Variants in NDRG2 observed in about 807,000 individuals in gnomAD.
NDRG2 encodes the protein protein NDRG2.
A neutral mutation model predicts 58.2 loss-of-function variants in NDRG2; 34 were observed. The observed-to-expected ratio is 0.58, with a 90% CI of 0.44 to 0.78. The LOEUF (loss-of-function observed/expected upper bound fraction) is 0.78, where lower values mean the gene tolerates loss of function less well. Among genes scored for constraint, NDRG2 ranks in the 30% least tolerant of loss-of-function variants. The probability of loss-of-function intolerance (pLI) is 0.00; values close to 1 mark genes in which losing one functional copy is unlikely to be tolerated. For missense variants in NDRG2, 434 were observed against 471.2 expected (o/e 0.92, Z 0.73); for synonymous variants, 187 against 175.9 (o/e 1.06, Z -0.50).
chr14:21,022,341 C>T, intron 4 of NDRG2, 51 bp downstream of exon 4: 1 of 1,581,540 alleles, frequency 6.3e-7, no homozygotes, highest in African/African-American at 1.3e-5. Context: ...TTCTACCCTT[C>T]CCCCACAGCC....
intron 1 of NDRG2, chr14:21,057,684 G>T (rs909769471): frequency 4.1e-6 from 2 of 493,200 alleles, no homozygotes; most frequent in African/African-American, 2.0e-5. Context: ...GGTAAAGAAG[G>T]TAAGTGTTTA....
chr14:21,042,101 G>C (rs529050673), intron 1 of NDRG2: 12 of 152,324 alleles, frequency 7.9e-5, no homozygotes, highest in Non-Finnish European at 1.5e-4. Flanking sequence ...CCTGGGTCAG[G>C]TGCTCTATTA....
intron 1 of NDRG2, among the ~76,000 whole-genome samples, chr14:21,051,188 T>C (rs1240888727): frequency 6.6e-6 from 1 of 152,212 alleles, no homozygotes; most frequent in African/African-American, 2.4e-5. Context: ...TCTTTGTGGA[T>C]TTCTGTCTCT....
At chr14:21,067,904 A>G (rs1886356700) in intron 1 of NDRG2, among the ~76,000 whole-genome samples, 1 of 151,928 alleles carries the variant, frequency 6.6e-6, no homozygotes. Context: ...ACTCCTGGAA[A>G]GAAGGGGTAA....
At chr14:21,043,530 T>C (rs1377455032) in intron 1 of NDRG2, 1 of 1,056,164 alleles carries the variant, frequency 9.5e-7, no homozygotes, top group Non-Finnish European at 1.4e-6. Context: ...ACCACTCCCC[T>C]ACACCCAGAG....
At chr14:21,029,430 G>A (rs190897369), upstream of NDRG2, among the ~76,000 whole-genome samples, 1,132 of 152,066 alleles carry the variant, frequency 7.4e-3, 7 homozygotes, top group South Asian at 0.042. Context: ...GCAAAACCCC[G>A]TCTCTACTAA....
rs1286111548 is a variant in NDRG2 at position 21,043,527 on chromosome 14, C to T, written c.25-20206G>A. ...CCCTCTCCAGGACTCCGCACCACTCCCCTACACCCAGAGCATTCTCTTCCC... is the reference window on the plus strand; with the variant it reads ...CCCTCTCCAGGACTCCGCACCACTCTCCTACACCCAGAGCATTCTCTTCCC... On this transcript the variant is annotated intron_variant, in intron 1 of 14. Coordinates refer to the NDRG2 transcript ENST00000403829. 2.6e-5 allele frequency: 28 copies of T among 1,083,048 alleles called. No individual in the cohort carries two copies. The Middle Eastern group carries it at 9.3e-4, about 36-fold the overall frequency. 67.1% of individuals were successfully genotyped at this position (1,083,048 alleles called of 1,614,324 possible). A position where few individuals can be genotyped will look rare whatever the true frequency, so the allele number is the denominator to read the frequency against.
At chr14:21,052,929 G>C (rs1427103129) in intron 1 of NDRG2, among the ~76,000 whole-genome samples, 2 of 152,176 alleles carry the variant, frequency 1.3e-5, no homozygotes, top group Non-Finnish European at 2.9e-5. Flanking sequence ...AGTGACTCAA[G>C]TGCCCCTCCA....
rs575934159 is a variant in NDRG2 at position 21,043,102 on chromosome 14, A to T, written c.25-19781T>A. On this transcript the variant is annotated intron_variant, in intron 1 of 14. Transcript: ENST00000403829. The stretch of plus-strand genomic sequence containing the variant: ...AAGCCCAAGGGCATGACCTCATCAC[A>T]GTGGTTTAAAATTCAGCACATGCAG... 5 of 1,614,162 alleles carry T rather than the reference A, an allele frequency of 3.1e-6. No homozygotes were observed. The South Asian group carries it at 5.5e-5, about 18-fold the overall frequency.
Position 21,017,484 on chromosome 14 carries a change from A to G in NDRG2, c.*112T>C. 8.3e-7 allele frequency: 1 copy of G among 1,205,554 alleles called. No homozygotes were observed. The highest frequency in any genetic ancestry group is 1.2e-6 in the Non-Finnish European group (1 of 869,186). The allele number at this position is 1,205,554 out of a possible 1,614,324, so 74.7% of individuals were successfully genotyped here. ...TCAAAGATCAAGGTCATCTCCCCGC[A>G]TGATCTGCCCTTTTTCCCTTGCTTA... On this transcript the variant is annotated 3_prime_UTR_variant, in exon 16 of 16. Transcript: ENST00000556147.
intron 1 of NDRG2, chr14:21,031,154 A>G (rs755977945): frequency 1.7e-5 from 28 of 1,613,508 alleles, no homozygotes; most frequent in Non-Finnish European, 2.0e-5. Flanking sequence ...CCCAGCCACC[A>G]CTGGCGCTAC....
At chr14:21,046,568 T>TACAC (rs1295529381) in intron 1 of NDRG2, among the ~76,000 whole-genome samples, 2 of 151,896 alleles carry the variant, frequency 1.3e-5, no homozygotes, top group African/African-American at 2.4e-5. Context: ...CATACATACA[T>TACAC]ACATACATAC....
intron 2 of NDRG2, 130 bp from the exon 3 acceptor site, chr14:21,023,035 AAG>A (rs1460477144): frequency 3.5e-6 from 4 of 1,159,066 alleles, no homozygotes; most frequent in African/African-American, 1.5e-5. Context: ...GAGATTGACA[AAG>A]AGAGACACGG....
intron 6 of NDRG2, chr14:21,021,369 C>CGAG: frequency 3.0e-6 from 1 of 329,586 alleles, no homozygotes; most frequent in Non-Finnish European, 5.9e-6. Flanking sequence ...CCAGCACCTC[C>CGAG]CTCTGAATAC....
intron 1 of NDRG2, chr14:21,043,504 C>G: frequency 7.6e-7 from 1 of 1,309,868 alleles, no homozygotes; most frequent in African/African-American, 1.5e-5. Context: ...CTTCAATTCC[C>G]TCTCCAGGAC....
At chr14:21,043,233 G>T (rs771856849) in intron 1 of NDRG2, 2 of 1,614,110 alleles carry the variant, frequency 1.2e-6, no homozygotes, top group Non-Finnish European at 1.7e-6. Context: ...CAGTGTGGCC[G>T]CCACCTGCCA....
chr14:21,070,762 AC>A lies in NDRG2; in HGVS notation c.24+65del. ...GGTCCGAGCTCCTTACCCGCGGGAG[AC>A]CCCTGCGGGTTGGTCCTGCAGCGAC... On this transcript the variant is annotated intron_variant, in intron 1 of 14. Transcript: ENST00000403829. This position sits in a 1 kb window ranked among gnomAD's most constrained non-coding sequence, Gnocchi z 4.7. 6.7e-7 allele frequency: 1 copy of A among 1,491,910 alleles called. No individual in the cohort carries two copies. 92.4% of individuals were successfully genotyped at this position (1,491,910 alleles called of 1,614,324 possible). A position where few individuals can be genotyped will look rare whatever the true frequency, so the allele number is the denominator to read the frequency against.
intron 1 of NDRG2, among the ~76,000 whole-genome samples, chr14:21,055,287 A>C (rs1268122207): frequency 2.0e-5 from 3 of 152,342 alleles, no homozygotes; most frequent in African/African-American, 7.2e-5. Flanking sequence ...TGAGATTTTT[A>C]TGTGTCCCAA....
chr14:21,040,202 A>G (rs1348532315), intron 1 of NDRG2, among the ~76,000 whole-genome samples: 1 of 152,164 alleles, frequency 6.6e-6, no homozygotes, highest in Non-Finnish European at 1.5e-5. Context: ...TGCTCCCCCA[A>G]CCAAGGCCTC....
Sources: allele counts gnomAD v4.1 joint callset (sites outside exome capture counted in the v4.1 genomes callset), GRCh38; gene constraint gnomAD v4.1.1; non-coding constraint Gnocchi (gnomAD v3.1); transcripts MANE v1.5; gene names NCBI Gene and HGNC (gene_info 2026-07-23, HGNC 2026-07-21).